The following TRPM6 variants were observed in gnomAD, a reference collection of about 807,000 sequenced individuals.
The protein encoded by TRPM6 is channel kinase 2.
A neutral mutation model predicts 247.6 loss-of-function variants in TRPM6; 111 were observed. The ratio of observed to expected loss-of-function variants is 0.45; its 90% CI spans 0.38 to 0.52. The LOEUF is 0.52. Ranked by LOEUF, TRPM6 falls within the 20% of genes least tolerant of loss-of-function variation. The pLI is 0.00. For synonymous variants in TRPM6, 892 were observed against 853.8 expected, an observed-to-expected ratio of 1.04 and a Z score of -0.78; for missense variants, 2,126 against 2,421.5, an observed-to-expected ratio of 0.88 and a Z score of 2.56.
chr9:74,775,216 C>G (rs1476254331), intron 24 of TRPM6, among the ~76,000 whole-genome samples: 1 of 152,190 alleles, frequency 6.6e-6, no homozygotes, highest in Non-Finnish European at 1.5e-5. Context: ...TCCTGACTCA[C>G]AGTGTTGCCC....
intron 1 of TRPM6, chr9:74,887,191 G>A (rs1236357103): frequency 6.5e-6 from 8 of 1,226,298 alleles, no homozygotes; most frequent in Non-Finnish European, 6.2e-6. Context: ...GCGGCGCCGC[G>A]TTGGGGAAGG....
intron 20 of TRPM6, among the ~76,000 whole-genome samples, chr9:74,788,071 G>A (rs1170205195): frequency 1.3e-5 from 2 of 151,774 alleles, no homozygotes; most frequent in African/African-American, 4.8e-5. Context: ...AAAAGTTTTG[G>A]TTTTTTGTTT....
intron 35 of TRPM6, 105 bp from the exon 36 acceptor site, chr9:74,738,717 G>A: frequency 1.0e-6 from 1 of 965,312 alleles, no homozygotes; most frequent in East Asian, 2.6e-5. Flanking sequence ...CTGGTATGAT[G>A]CAGCCTCAAT....
rs1489616691 is a variant in TRPM6 at position 74,755,311 on chromosome 9, C to A, written c.4906+42G>T. 3 of 1,612,022 alleles carry A rather than the reference C, an allele frequency of 1.9e-6. No individual in the cohort carries two copies. In the East Asian group the frequency reaches 6.7e-5, roughly 36 times the overall value. Reference sequence around the variant, plus strand: ...CTAAAGACCGTACCCTGAGAAAACCCCACCAGGGTTTTTGGGATCCAAAAT... The same window carrying A: ...CTAAAGACCGTACCCTGAGAAAACCACACCAGGGTTTTTGGGATCCAAAAT... On this transcript the variant is annotated intron_variant, in intron 28 of 38. Transcript: ENST00000360774.
At chr9:74,724,961 T>C (rs1825267127) in intron 38 of TRPM6, among the ~76,000 whole-genome samples, 1 of 152,168 alleles carries the variant, frequency 6.6e-6, no homozygotes, top group South Asian at 2.1e-4. Context: ...TGGGTGCTGT[T>C]TATGGGAGCA....
intron 12 of TRPM6, among the ~76,000 whole-genome samples, chr9:74,811,632 TTAAC>T (rs961422638): frequency 1.3e-5 from 2 of 152,244 alleles, no homozygotes; most frequent in African/African-American, 4.8e-5. Context: ...AATTTAGTCT[TTAAC>T]TATGTTTTAC....
chr9:74,729,111 C>A (rs930964140), intron 37 of TRPM6, among the ~76,000 whole-genome samples: 18 of 152,204 alleles, frequency 1.2e-4, no homozygotes, highest in African/African-American at 4.3e-4. Context: ...GATTTTGACA[C>A]TGCACACCAC....
At chr9:74,799,905 G>A in intron 17 of TRPM6, 1 of 332,436 alleles carries the variant, frequency 3.0e-6, no homozygotes. Flanking sequence ...GGATGTGAGG[G>A]CGATCTGGCT....
At chr9:74,754,478 C>G (rs888864763) in intron 28 of TRPM6, among the ~76,000 whole-genome samples, 2 of 152,184 alleles carry the variant, frequency 1.3e-5, no homozygotes, top group Non-Finnish European at 1.5e-5. Flanking sequence ...GCATTCCCCC[C>G]ACTTTAGTTA....
At chr9:74,725,093 G>A (rs1031417795) in intron 38 of TRPM6, among the ~76,000 whole-genome samples, 1 of 152,164 alleles carries the variant, frequency 6.6e-6, no homozygotes, top group African/African-American at 2.4e-5. Context: ...GGCAGAGGCA[G>A]AGAGGTCAGC....
chr9:74,861,234 T>C (rs1273745563), intron 1 of TRPM6, among the ~76,000 whole-genome samples: 1 of 152,230 alleles, frequency 6.6e-6, no homozygotes, highest in Non-Finnish European at 1.5e-5. Context: ...CCTGAATCTA[T>C]GAATTCATTC....
At chr9:74,839,703 T>A (rs375173187) in intron 5 of TRPM6, among the ~76,000 whole-genome samples, 1 of 151,926 alleles carries the variant, frequency 6.6e-6, no homozygotes, top group Non-Finnish European at 1.5e-5. Context: ...CCAGGAAAAA[T>A]CTATGATTCT....
intron 2 of TRPM6, among the ~76,000 whole-genome samples, chr9:74,857,030 T>C (rs574122382): frequency 3.9e-5 from 6 of 152,332 alleles, no homozygotes; most frequent in Non-Finnish European, 7.3e-5. Flanking sequence ...TTCATCACTT[T>C]TTTTTTGAGA....
intron 1 of TRPM6, among the ~76,000 whole-genome samples, chr9:74,865,089 A>AG (rs1457855044): frequency 4.1e-5 from 6 of 147,468 alleles, no homozygotes; most frequent in Non-Finnish European, 9.0e-5. Context: ...AAAAAAAAAA[A>AG]TGGAACGTCA....
At chr9:74,887,138 G>A in intron 1 of TRPM6, 2 of 734,756 alleles carry the variant, frequency 2.7e-6, no homozygotes, top group Admixed American at 3.8e-5. Flanking sequence ...ATATGCCAGC[G>A]GTGGAGAGGA....
chr9:74,760,649 A>G (rs1826593480), intron 27 of TRPM6, among the ~76,000 whole-genome samples: 1 of 152,206 alleles, frequency 6.6e-6, no homozygotes, highest in Non-Finnish European at 1.5e-5. Context: ...ACCACTACAC[A>G]TTCATTAATA....
chr9:74,878,945 T>C (rs1402961437), intron 1 of TRPM6, among the ~76,000 whole-genome samples: 1 of 152,134 alleles, frequency 6.6e-6, no homozygotes, highest in Admixed American at 6.5e-5. Flanking sequence ...TGAGCTATGA[T>C]TGTACCACTG....
At chr9:74,854,592 C>T (rs1360846000) in intron 3 of TRPM6, among the ~76,000 whole-genome samples, 3 of 152,178 alleles carry the variant, frequency 2.0e-5, no homozygotes, top group South Asian at 4.1e-4. Context: ...CCTCCTTCTT[C>T]TCGTTCCATA....
chr9:74,852,298 C>T (rs1258276804), intron 3 of TRPM6, among the ~76,000 whole-genome samples: 1 of 152,052 alleles, frequency 6.6e-6, no homozygotes, highest in Admixed American at 6.5e-5. Flanking sequence ...CTCAAGCTAT[C>T]CCCCAGCCTC....
Sources: gnomAD v4.1 joint callset for allele counts (sites outside exome capture counted in the v4.1 genomes callset) on GRCh38, gnomAD v4.1.1 for gene constraint, MANE v1.5 for transcripts, NCBI Gene and HGNC (gene_info 2026-07-23, HGNC 2026-07-21) for gene names.